Variants in PDE4DIP observed in about 807,000 individuals in gnomAD.
PDE4DIP encodes myomegalin.
PDE4DIP carries 59 observed loss-of-function variants against 221.4 expected under a neutral mutation model. The ratio of observed to expected loss-of-function variants is 0.27; its 90% CI spans 0.22 to 0.33. The LOEUF is 0.33. Among genes scored for constraint, PDE4DIP ranks in the 10% least tolerant of loss-of-function variants. The pLI, the probability that PDE4DIP is intolerant of heterozygous loss-of-function variation, is 1.00. For synonymous variants in PDE4DIP, 404 were observed against 815.9 expected (o/e 0.50, Z 8.60); for missense variants, 1,036 against 2,154.2 (o/e 0.48, Z 10.28).
chr1:149,032,841 G>A, exon 44 of PDE4DIP: 1 of 208,134 alleles, frequency 4.8e-6, no homozygotes, highest in Non-Finnish European at 9.7e-6. Context: ...TGTCTTCACA[G>A]TGCTGGTAGA....
chr1:148,905,190 T>TTTG (rs2041495166), intron 1 of PDE4DIP, among the ~76,000 whole-genome samples: 1 of 146,220 alleles, frequency 6.8e-6, no homozygotes, highest in Non-Finnish European at 1.5e-5. Flanking sequence ...TTTTTTTTTT[T>TTTG]TTTTTTTTTT....
intron 1 of PDE4DIP, among the ~76,000 whole-genome samples, chr1:148,823,548 C>T (rs1469450275): frequency 6.6e-6 from 1 of 150,526 alleles, no homozygotes; most frequent in African/African-American, 2.5e-5. Context: ...AACCCTACAA[C>T]ACCAGCTCCG....
chr1:149,031,968 T>G (rs1487964383), exon 44 of PDE4DIP: 1 of 1,609,990 alleles, frequency 6.2e-7, no homozygotes, highest in Non-Finnish European at 8.5e-7. Flanking sequence ...GGCTCTGCCA[T>G]GTACTCCAGC....
chr1:148,911,964 A>G (rs1203038258), intron 1 of PDE4DIP, among the ~76,000 whole-genome samples: 1 of 147,764 alleles, frequency 6.8e-6, no homozygotes, highest in Non-Finnish European at 1.5e-5. Context: ...CACCTTTGCC[A>G]TATTCTATTG....
chr1:148,821,880 C>T (rs1430705815), intron 1 of PDE4DIP, among the ~76,000 whole-genome samples: 6 of 149,908 alleles, frequency 4.0e-5, no homozygotes, highest in African/African-American at 1.3e-4. Flanking sequence ...GAGATCATAG[C>T]GATTTACATC....
intron 1 of PDE4DIP, among the ~76,000 whole-genome samples, chr1:148,926,647 G>T: frequency 6.7e-6 from 1 of 149,878 alleles, no homozygotes. Context: ...TTATGAATGA[G>T]GAAAATACAA....
intron 13 of PDE4DIP, among the ~76,000 whole-genome samples, chr1:148,968,196 G>C (rs1349109960): frequency 6.6e-6 from 1 of 151,788 alleles, no homozygotes; most frequent in African/African-American, 2.4e-5. Flanking sequence ...GTCAGGTACT[G>C]TTTTAAGATC....
intron 5 of PDE4DIP, among the ~76,000 whole-genome samples, chr1:148,947,643 G>T (rs587647078): frequency 6.6e-6 from 1 of 151,918 alleles, no homozygotes; most frequent in African/African-American, 2.4e-5. Flanking sequence ...TGCCACACAG[G>T]GGGTGCAAAA....
chr1:148,981,428 A>G, intron 21 of PDE4DIP, 31 bp downstream of exon 24: 7 of 1,613,590 alleles, frequency 4.3e-6, no homozygotes, highest in Non-Finnish European at 5.9e-6. Context: ...CGAATTCATC[A>G]CAAGCATGCC....
At chr1:149,016,183 C>T in intron 32 of PDE4DIP, 116 bp from the exon 36 acceptor site, 2 of 604,974 alleles carry the variant, frequency 3.3e-6, no homozygotes, top group Non-Finnish European at 5.8e-6. Context: ...GAACTGGGAT[C>T]TCTGACATTC....
At chr1:149,011,105 T>C (rs2068487189) in intron 31 of PDE4DIP, among the ~76,000 whole-genome samples, 1 of 152,234 alleles carries the variant, frequency 6.6e-6, no homozygotes, top group South Asian at 2.1e-4. Flanking sequence ...GTCCTTGATA[T>C]GTACATAGTG....
intron 38 of PDE4DIP, 163 bp from the exon 42 acceptor site, chr1:149,026,552 A>T (rs1223901260): frequency 8.1e-6 from 4 of 496,448 alleles, no homozygotes; most frequent in African/African-American, 1.9e-5. Flanking sequence ...GAACTCAGTG[A>T]CTCATAGGCT....
chr1:148,922,851 G>C, intron 1 of PDE4DIP, among the ~76,000 whole-genome samples: 1 of 151,086 alleles, frequency 6.6e-6, no homozygotes, highest in Non-Finnish European at 1.5e-5. Flanking sequence ...CTCCCAAAGT[G>C]CTGGGATTAC....
intron 40 of PDE4DIP, 118 bp from the exon 44 acceptor site, chr1:149,028,442 T>A (rs1191899433): frequency 8.7e-6 from 6 of 687,122 alleles, no homozygotes; most frequent in Admixed American, 2.9e-5. Flanking sequence ...AATGGTTGTG[T>A]GAGGGCTTCA....
chr1:148,960,059 C>T (rs1462908001), intron 5 of PDE4DIP, among the ~76,000 whole-genome samples: 1 of 152,260 alleles, frequency 6.6e-6, no homozygotes, highest in Non-Finnish European at 1.5e-5. Flanking sequence ...TAGTATACTC[C>T]TTTACCCTAA....
At chr1:148,950,342 A>T (rs1553486469) in intron 5 of PDE4DIP, among the ~76,000 whole-genome samples, 1 of 151,952 alleles carries the variant, frequency 6.6e-6, no homozygotes, top group African/African-American at 2.4e-5. Context: ...AAGCTCACAT[A>T]CCTAGAGGCA....
intron 4 of PDE4DIP, among the ~76,000 whole-genome samples, chr1:148,936,690 T>C (rs1315341281): frequency 2.0e-5 from 3 of 152,250 alleles, no homozygotes; most frequent in Non-Finnish European, 2.9e-5. Flanking sequence ...TAGAAAAGGT[T>C]TATTCTGTTT....
chr1:148,982,936 A>G (rs1358167594), intron 21 of PDE4DIP: 1 of 152,156 alleles, frequency 6.6e-6, no homozygotes, highest in Non-Finnish European at 1.5e-5. Flanking sequence ...GACAGGGAGA[A>G]AATGCTCTAC....
intron 5 of PDE4DIP, among the ~76,000 whole-genome samples, chr1:148,949,856 G>A (rs1278780864): frequency 4.0e-5 from 6 of 150,916 alleles, no homozygotes; most frequent in African/African-American, 9.8e-5. Context: ...TGCCATCTTC[G>A]AATATTCTGA....
Sources: gnomAD v4.1 joint callset for allele counts (sites outside exome capture counted in the v4.1 genomes callset) on GRCh38, gnomAD v4.1.1 for gene constraint, MANE v1.5 for transcripts, NCBI Gene and HGNC (gene_info 2026-07-23, HGNC 2026-07-21) for gene names.